TAF12: variants seen among roughly 807,000 people sequenced by gnomAD.
The protein encoded by TAF12 is TATA-box binding protein associated factor 12.
In TAF12, 3 loss-of-function variants were observed where a neutral mutation model predicts 20.8. The observed-to-expected ratio is 0.14, with a 90% CI of 0.07 to 0.37. TAF12 has a LOEUF of 0.37. Among genes scored for constraint, TAF12 ranks in the 10% least tolerant of loss-of-function variants. TAF12 has a pLI of 1.00. For synonymous variants in TAF12, 69 were observed against 70.2 expected (o/e 0.98, Z 0.09); for missense variants, 131 against 197.9 (o/e 0.66, Z 2.03).
chr1:28,628,178 C>G (rs1212738403), intron 1 of TAF12, among the ~76,000 whole-genome samples: 1 of 134,684 alleles, frequency 7.4e-6, no homozygotes, highest in Non-Finnish European at 1.5e-5. Context: ...ATGGTGAAAC[C>G]CCATCTCTAC....
At chr1:28,605,226 T>C in intron 5 of TAF12, 146 bp downstream of exon 5, 1 of 726,098 alleles carries the variant, frequency 1.4e-6, no homozygotes, top group Non-Finnish European at 2.3e-6. Flanking sequence ...CTGCTGCCTC[T>C]TGCCCTCTCT....
chr1:28,641,549 T>C (rs1668033000), intron 1 of TAF12, among the ~76,000 whole-genome samples: 1 of 152,044 alleles, frequency 6.6e-6, no homozygotes, highest in Non-Finnish European at 1.5e-5. Flanking sequence ...ATCCCAGCAC[T>C]TTGGGAGGCC....
At chr1:28,633,954 G>T (rs189578683) in intron 1 of TAF12, among the ~76,000 whole-genome samples, 3,046 of 128,714 alleles carry the variant, frequency 0.024, 103 homozygotes, top group African/African-American at 0.084. Flanking sequence ...GTGGTGGCGC[G>T]TGCCTGTAAT....
At chr1:28,625,294 C>T (rs1026429551) in intron 1 of TAF12, among the ~76,000 whole-genome samples, 3 of 152,170 alleles carry the variant, frequency 2.0e-5, no homozygotes, top group African/African-American at 7.2e-5. Context: ...ATCCCAGCTA[C>T]TCAGGAGGCT....
intron 1 of TAF12, among the ~76,000 whole-genome samples, chr1:28,628,226 G>GGGGC (rs1667486518): frequency 1.6e-5 from 1 of 61,092 alleles, no homozygotes; most frequent in African/African-American, 6.2e-5. Flanking sequence ...CGGTGCAGGG[G>GGGGC]GTGGGGGGGG....
chr1:28,623,999 T>C lies in TAF12; in HGVS notation c.-84-1834A>G, dbSNP rs144263019. The stretch of plus-strand genomic sequence containing the variant: ...ACATCAGCAACAGCTGTGAGCCCGG[T>C]GAAATGAGAGGCAGCCATTTTCAAA... On this transcript the variant is annotated intron_variant, in intron 1 of 5. Transcript: ENST00000373824. 9.1e-6 allele frequency: 9 copies of C among 985,692 alleles called. No individual in the cohort carries two copies. In the African/African-American group the frequency reaches 1.4e-4, roughly 15 times the overall value. The allele number at this position is 985,692 out of a possible 1,614,324, so 61.1% of individuals were successfully genotyped here.
intron 5 of TAF12, 158 bp downstream of exon 5, chr1:28,605,214 C>T (rs548863994): frequency 2.7e-5 from 18 of 659,740 alleles, no homozygotes; most frequent in South Asian, 3.6e-5. Flanking sequence ...TCCCGGAGAC[C>T]GCTGCTGCCT....
At chr1:28,625,846 TA>T (rs1391826591) in intron 1 of TAF12, among the ~76,000 whole-genome samples, 1 of 148,570 alleles carries the variant, frequency 6.7e-6, no homozygotes, top group Non-Finnish European at 1.5e-5. Context: ...TGGCCCCAGC[TA>T]ATTTTTTTTT....
chr1:28,641,793 CAAA>C (rs35540210), intron 1 of TAF12, among the ~76,000 whole-genome samples: 5 of 86,470 alleles, frequency 5.8e-5, no homozygotes, highest in Admixed American at 1.4e-4. Flanking sequence ...GAACCTGTCT[CAAA>C]AAAAAAAAAA....
chr1:28,629,796 C>T (rs1667558610), intron 1 of TAF12, among the ~76,000 whole-genome samples: 1 of 152,006 alleles, frequency 6.6e-6, no homozygotes, highest in East Asian at 1.9e-4. Context: ...GCAAACCACA[C>T]CTGGCTAATT....
intron 1 of TAF12, among the ~76,000 whole-genome samples, chr1:28,627,213 C>G (rs1018566296): frequency 1.3e-5 from 2 of 151,290 alleles, no homozygotes; most frequent in Admixed American, 1.3e-4. Context: ...ATGGTGAAAC[C>G]CCCATCTCTA....
intron 1 of TAF12, among the ~76,000 whole-genome samples, chr1:28,641,780 AGAGAACCT>A (rs2124394068): frequency 7.0e-6 from 1 of 142,272 alleles, no homozygotes; most frequent in South Asian, 2.3e-4. Flanking sequence ...GGCGACAGAG[AGAGAACCT>A]GTCTCAAAAA....
intron 1 of TAF12, among the ~76,000 whole-genome samples, chr1:28,638,812 G>A (rs1181238185): frequency 1.8e-5 from 2 of 111,064 alleles, no homozygotes; most frequent in African/African-American, 7.2e-5. Context: ...TTTTTTTTGA[G>A]ACAGAGCCTT....
intron 1 of TAF12, among the ~76,000 whole-genome samples, chr1:28,639,340 C>T (rs1030475069): frequency 3.4e-5 from 5 of 146,716 alleles, no homozygotes; most frequent in Admixed American, 7.0e-5. Context: ...CGCTTGAACC[C>T]GGGAGGTGAA....
intron 4 of TAF12, among the ~76,000 whole-genome samples, chr1:28,612,661 A>G (rs1279567250): frequency 1.3e-5 from 2 of 151,440 alleles, no homozygotes; most frequent in African/African-American, 4.8e-5. Flanking sequence ...TTCATTTCCA[A>G]GTGATTATGG....
intron 1 of TAF12, among the ~76,000 whole-genome samples, chr1:28,634,738 C>T (rs1248037794): frequency 2.6e-5 from 4 of 151,058 alleles, no homozygotes; most frequent in Admixed American, 1.3e-4. Context: ...GAGACCAGCC[C>T]GACCAACATG....
intron 1 of TAF12, among the ~76,000 whole-genome samples, chr1:28,624,438 T>C (rs1159261888): frequency 6.6e-6 from 1 of 152,172 alleles, no homozygotes; most frequent in African/African-American, 2.4e-5. Context: ...CTCACCACAC[T>C]GTCTGACTTT....
upstream of TAF12, among the ~76,000 whole-genome samples, chr1:28,645,693 A>G (rs1341421679): frequency 1.4e-5 from 2 of 144,334 alleles, no homozygotes; most frequent in African/African-American, 2.6e-5. Flanking sequence ...AGGCCAGGCC[A>G]GGCACTGTGG....
chr1:28,616,740 AT>A (rs1316018448), intron 3 of TAF12, among the ~76,000 whole-genome samples: 5 of 151,472 alleles, frequency 3.3e-5, no homozygotes, highest in Non-Finnish European at 5.9e-5. Flanking sequence ...TCTCAAAAAA[AT>A]AAATAAATAA....
Sources: allele counts gnomAD v4.1 joint callset (sites outside exome capture counted in the v4.1 genomes callset), GRCh38; gene constraint gnomAD v4.1.1; transcripts MANE v1.5; gene names NCBI Gene and HGNC (gene_info 2026-07-23, HGNC 2026-07-21).